WDR88: variants seen among roughly 807,000 people sequenced by gnomAD.
WDR88 encodes the protein WD repeat-containing protein 88.
WDR88 carries 40 observed loss-of-function variants against 46.8 expected under a neutral mutation model. The observed-to-expected ratio is 0.86, with a 90% CI of 0.66 to 1.11. The LOEUF is 1.11. Ranked by LOEUF, WDR88 falls within the 50% of genes most tolerant of loss-of-function variation. WDR88 has a pLI of 0.00. For missense variants in WDR88, 562 were observed against 602.4 expected, an observed-to-expected ratio of 0.93 and a Z score of 0.70; for synonymous variants, 235 against 240.7, an observed-to-expected ratio of 0.98 and a Z score of 0.22.
chr19:33,173,850 T>C (rs1054386835), intron 10 of WDR88, among the ~76,000 whole-genome samples: 2 of 152,228 alleles, frequency 1.3e-5, no homozygotes, highest in African/African-American at 4.8e-5. Context: ...ATTTCCTTTT[T>C]TCTTTTTATT....
rs1175481184 is a variant in WDR88 at position 33,151,257 on chromosome 19, G to A, written c.756G>A (p.Arg252=). The A allele has an allele frequency of 6.2e-7, 1 of 1,613,744 alleles. No individual in the cohort carries two copies. The highest frequency in any genetic ancestry group is 2.2e-5 in the East Asian group (1 of 44,876). The change falls in exon 6 of 11, where the codon AGG becomes AGA. Residue 252 remains arginine (R), a synonymous_variant. Transcript: ENST00000355868. ...SQRVASVSLD[R]CIKIWDVTSQ... Reference sequence around the variant, plus strand: ...GGGTGGCTTCTGTCTCATTGGACAGGTGCATCAAGATCTGGGATGTTACAT... The same window carrying A: ...GGGTGGCTTCTGTCTCATTGGACAGATGCATCAAGATCTGGGATGTTACAT...
intron 3 of WDR88, 55 bp from the exon 4 acceptor site, chr19:33,147,590 G>C: frequency 6.3e-7 from 1 of 1,577,002 alleles, no homozygotes; most frequent in Non-Finnish European, 8.7e-7. Context: ...GCAACAGAAA[G>C]ACACCCTGTC....
intron 9 of WDR88, among the ~76,000 whole-genome samples, chr19:33,165,757 G>A (rs529989324): frequency 4.3e-4 from 66 of 152,114 alleles, no homozygotes; most frequent in African/African-American, 1.5e-3. Context: ...GCCGGGCGTG[G>A]TGGCAGGTGC....
intron 10 of WDR88, chr19:33,174,098 C>G (rs986466288): frequency 6.9e-7 from 1 of 1,451,410 alleles, no homozygotes. Context: ...GTGATCCGCC[C>G]GCCTCAGCCT....
chr19:33,159,455 T>C (rs1349789834), intron 7 of WDR88, among the ~76,000 whole-genome samples: 2 of 152,138 alleles, frequency 1.3e-5, no homozygotes, highest in African/African-American at 2.4e-5. Flanking sequence ...AGTGCTATGA[T>C]GGGGAAAATG....
At chr19:33,132,556 C>T in intron 1 of WDR88, 111 bp downstream of exon 1, 1 of 1,462,478 alleles carries the variant, frequency 6.8e-7, no homozygotes, top group Non-Finnish European at 9.2e-7. Context: ...ACCAGGACCC[C>T]CAGCGAGGCC....
intron 7 of WDR88, among the ~76,000 whole-genome samples, chr19:33,157,571 ATG>A (rs575079791): frequency 1.4e-5 from 2 of 144,296 alleles, no homozygotes; most frequent in East Asian, 4.0e-4. Flanking sequence ...ATATGTATAT[ATG>A]TGTATATATA....
At chr19:33,148,680 C>T in intron 4 of WDR88, 92 bp from the exon 5 acceptor site, 1 of 1,507,940 alleles carries the variant, frequency 6.6e-7, no homozygotes, top group South Asian at 1.2e-5. Context: ...CTCAAGCGAT[C>T]CTCCAGCCTT....
intron 5 of WDR88, among the ~76,000 whole-genome samples, chr19:33,150,167 ATGGGC>A (rs1465469938): frequency 6.6e-6 from 1 of 151,798 alleles, no homozygotes; most frequent in Non-Finnish European, 1.5e-5. Context: ...GACATTCATT[ATGGGC>A]TGGGCGTGGT....
At chr19:33,140,475 C>T (rs1053194733) in intron 2 of WDR88, among the ~76,000 whole-genome samples, 2 of 152,198 alleles carry the variant, frequency 1.3e-5, no homozygotes, top group South Asian at 2.1e-4. Flanking sequence ...TAGATGTATG[C>T]GGACATGTGT....
intron 1 of WDR88, among the ~76,000 whole-genome samples, chr19:33,134,881 C>G (rs1462786658): frequency 2.0e-5 from 3 of 146,656 alleles, no homozygotes; most frequent in African/African-American, 7.4e-5. Context: ...CGGAAGGCCA[C>G]CGCCGCCCTG....
chr19:33,162,434 C>T (rs568710373), intron 8 of WDR88, among the ~76,000 whole-genome samples: 11 of 151,864 alleles, frequency 7.2e-5, no homozygotes, highest in South Asian at 2.1e-4. Flanking sequence ...AGGCTGGTCT[C>T]GATCTCCTGA....
At chr19:33,158,183 T>C (rs1973798481) in intron 7 of WDR88, among the ~76,000 whole-genome samples, 2 of 152,090 alleles carry the variant, frequency 1.3e-5, no homozygotes, top group African/African-American at 4.8e-5. Context: ...AAGTGGGGCT[T>C]GCTCTGTGTG....
chr19:33,166,599 TA>T (rs200374592), intron 9 of WDR88, among the ~76,000 whole-genome samples: 8,255 of 150,582 alleles, frequency 0.055, 316 homozygotes, highest in African/African-American at 0.1. Context: ...CCTGTCTCTT[TA>T]AAAAAAAATT....
chr19:33,161,098 G>A (rs1201874863), intron 8 of WDR88, among the ~76,000 whole-genome samples: 2 of 152,056 alleles, frequency 1.3e-5, no homozygotes, highest in Non-Finnish European at 2.9e-5. Context: ...GCTTGAACCC[G>A]GGAGGCGGAG....
At chr19:33,146,157 C>T (rs567313525) in intron 3 of WDR88, among the ~76,000 whole-genome samples, 159 of 152,116 alleles carry the variant, frequency 1.0e-3, no homozygotes, top group African/African-American at 3.8e-3. Flanking sequence ...ATTAGTCGGG[C>T]GTAGTGGCAC....
intron 7 of WDR88, among the ~76,000 whole-genome samples, chr19:33,159,374 A>C (rs1219854266): frequency 7.8e-6 from 1 of 128,918 alleles, no homozygotes; most frequent in Non-Finnish European, 1.5e-5. Context: ...AAATAAATAA[A>C]TAAATAAATA....
At chr19:33,138,217 T>G (rs1973316028) in intron 2 of WDR88, among the ~76,000 whole-genome samples, 1 of 151,910 alleles carries the variant, frequency 6.6e-6, no homozygotes, top group South Asian at 2.1e-4. Context: ...TGTTTTTTGT[T>G]TTTTTGTGTT....
intron 2 of WDR88, among the ~76,000 whole-genome samples, chr19:33,142,384 A>G (rs1360140595): frequency 6.6e-6 from 1 of 151,898 alleles, no homozygotes; most frequent in East Asian, 1.9e-4. Flanking sequence ...TGCCTGGAGA[A>G]AGTGGTGGAG....
Sources: gnomAD v4.1 joint callset for allele counts (sites outside exome capture counted in the v4.1 genomes callset) on GRCh38, gnomAD v4.1.1 for gene constraint, MANE v1.5 for transcripts, NCBI Gene and HGNC (gene_info 2026-07-23, HGNC 2026-07-21) for gene names.